The following TACR1 variants were observed in gnomAD, a reference collection of about 807,000 sequenced individuals.
TACR1 encodes the protein substance-P receptor.
A neutral mutation model predicts 35.8 loss-of-function variants in TACR1; 25 were observed. The observed-to-expected ratio is 0.70, with a 90% confidence interval of 0.51 to 0.98. The LOEUF (loss-of-function observed/expected upper bound fraction) is 0.98. Ranked by LOEUF, TACR1 falls within the 50% of genes least tolerant of loss-of-function variation. The pLI is 0.00. For missense variants in TACR1, 478 were observed against 522.9 expected (o/e 0.91, Z 0.84); for synonymous variants, 195 against 206.7 (o/e 0.94, Z 0.48).
chr2:75,090,488 C>T (rs954990765), intron 2 of TACR1, among the ~76,000 whole-genome samples: 3 of 152,164 alleles, frequency 2.0e-5, no homozygotes, highest in Non-Finnish European at 4.4e-5. Context: ...GTCTCCACAA[C>T]CTCTTATTGC....
chr2:75,097,821 G>C (rs757347449), intron 2 of TACR1, among the ~76,000 whole-genome samples: 44 of 152,132 alleles, frequency 2.9e-4, no homozygotes, highest in Non-Finnish European at 4.6e-4. Flanking sequence ...GGAGCATTTG[G>C]TCTCTCCAAT....
At chr2:75,073,837 G>C (rs1341841418) in intron 2 of TACR1, among the ~76,000 whole-genome samples, 1 of 152,212 alleles carries the variant, frequency 6.6e-6, no homozygotes, top group African/African-American at 2.4e-5. Flanking sequence ...CAGAAGGGCT[G>C]TTTCTGCTGG....
chr2:75,162,302 T>G (rs945369017), intron 1 of TACR1, among the ~76,000 whole-genome samples: 1 of 152,176 alleles, frequency 6.6e-6, no homozygotes, highest in African/African-American at 2.4e-5. Flanking sequence ...ATTGCATGCT[T>G]TCATTACCCC....
chr2:75,077,290 T>C (rs1180397993), intron 2 of TACR1, among the ~76,000 whole-genome samples: 1 of 152,174 alleles, frequency 6.6e-6, no homozygotes, highest in Non-Finnish European at 1.5e-5. Context: ...ATTTTACTGA[T>C]GAGAACAGAG....
intron 2 of TACR1, among the ~76,000 whole-genome samples, chr2:75,079,892 A>C (rs1475009888): frequency 6.6e-6 from 1 of 152,154 alleles, no homozygotes; most frequent in Non-Finnish European, 1.5e-5. Flanking sequence ...AGAAAGAAAG[A>C]CTGCAGGTGG....
intron 2 of TACR1, among the ~76,000 whole-genome samples, chr2:75,110,886 T>C (rs1425813131): frequency 1.3e-5 from 2 of 152,046 alleles, no homozygotes; most frequent in Admixed American, 6.6e-5. Context: ...CTTTGACAGA[T>C]ATTGTCAAAC....
chr2:75,101,843 G>A (rs1452177536), intron 2 of TACR1, among the ~76,000 whole-genome samples: 1 of 152,016 alleles, frequency 6.6e-6, no homozygotes, highest in Non-Finnish European at 1.5e-5. Flanking sequence ...AACTACTCAG[G>A]AGGCTGAGCC....
chr2:75,091,812 C>T (rs1293762400), intron 2 of TACR1, among the ~76,000 whole-genome samples: 1 of 152,178 alleles, frequency 6.6e-6, no homozygotes, highest in East Asian at 1.9e-4. Context: ...TGGGCAGTGC[C>T]GTGCACTCTT....
intron 2 of TACR1, among the ~76,000 whole-genome samples, chr2:75,070,570 A>T (rs545117207): frequency 1.3e-5 from 2 of 152,342 alleles, no homozygotes; most frequent in Admixed American, 1.3e-4. Flanking sequence ...ACCAGACCCT[A>T]AGCCTCATGG....
intron 1 of TACR1, among the ~76,000 whole-genome samples, chr2:75,193,747 C>T (rs1270356682): frequency 6.6e-6 from 1 of 152,142 alleles, no homozygotes; most frequent in Non-Finnish European, 1.5e-5. Flanking sequence ...TCATTCATCA[C>T]TGCTGGGCAG....
At chr2:75,144,012 C>T (rs751980146) in intron 1 of TACR1, among the ~76,000 whole-genome samples, 5 of 152,208 alleles carry the variant, frequency 3.3e-5, no homozygotes, top group Admixed American at 1.3e-4. Context: ...TCCTCACCTG[C>T]TTAGCAGTGA....
intron 1 of TACR1, among the ~76,000 whole-genome samples, chr2:75,181,755 G>A (rs552513929): frequency 1.8e-4 from 27 of 152,162 alleles, no homozygotes; most frequent in African/African-American, 9.7e-5. Flanking sequence ...AATTTTTAAT[G>A]TAAGAGATGG....
At chr2:75,158,021 G>A (rs1362242213) in intron 1 of TACR1, among the ~76,000 whole-genome samples, 2 of 152,188 alleles carry the variant, frequency 1.3e-5, no homozygotes, top group African/African-American at 2.4e-5. Flanking sequence ...CATAGGTTAG[G>A]TCTAAACCTT....
intron 2 of TACR1, among the ~76,000 whole-genome samples, chr2:75,088,736 C>T (rs148951780): frequency 2.0e-5 from 3 of 152,128 alleles, no homozygotes; most frequent in South Asian, 2.1e-4. Flanking sequence ...GGGGTTTAGG[C>T]GGATCGGTGA....
intron 2 of TACR1, among the ~76,000 whole-genome samples, chr2:75,116,949 A>G: frequency 6.6e-6 from 1 of 152,270 alleles, no homozygotes; most frequent in East Asian, 1.9e-4. Context: ...TTATCAATTT[A>G]TACTTCTTCT....
chr2:75,146,210 C>T (rs1009040377), intron 1 of TACR1, among the ~76,000 whole-genome samples: 4 of 152,136 alleles, frequency 2.6e-5, no homozygotes, highest in South Asian at 2.1e-4. Flanking sequence ...GCAACCTCCA[C>T]GTCCCAGGTT....
chr2:75,099,163 C>T (rs1271609579), intron 2 of TACR1, among the ~76,000 whole-genome samples: 1 of 152,154 alleles, frequency 6.6e-6, no homozygotes, highest in Admixed American at 6.5e-5. Flanking sequence ...CCCTCACTAT[C>T]CCAGCCTCTG....
chr2:75,162,772 A>G lies in TACR1; in HGVS notation c.389+35774T>C, dbSNP rs1022508516. Among the ~76,000 whole-genome samples the G allele has an allele frequency of 3.3e-5, 5 of 152,236 alleles. No homozygotes were observed. In the East Asian group the frequency reaches 9.6e-4, roughly 29 times the overall value. On this transcript the variant is annotated intron_variant, in intron 1 of 4. Coordinates refer to ENST00000305249, the MANE Select transcript of TACR1 (RefSeq NM_001058.4). ...TAAAATCTTTTTGCACATTAATTGT[A>G]TATTACCATTTCATTGAAAGATAGA... is the stretch of plus-strand genomic sequence containing the variant.
chr2:75,197,011 A>G (rs1676011484), intron 1 of TACR1, among the ~76,000 whole-genome samples: 1 of 152,238 alleles, frequency 6.6e-6, no homozygotes, highest in African/African-American at 2.4e-5. Flanking sequence ...TCAATGCAGA[A>G]AGATTTACAG....
Sources: gnomAD v4.1 joint callset for allele counts (sites outside exome capture counted in the v4.1 genomes callset) on GRCh38, gnomAD v4.1.1 for gene constraint, MANE v1.5 for transcripts, NCBI Gene and HGNC (gene_info 2026-07-23, HGNC 2026-07-21) for gene names.